The following CACNG3 variants were observed in gnomAD, a reference collection of about 807,000 sequenced individuals.
The protein encoded by CACNG3 is calcium voltage-gated channel auxiliary subunit gamma 3.
Under a neutral mutation model 28.5 loss-of-function variants are expected in CACNG3, and 3 were observed. The ratio of observed to expected loss-of-function variants is 0.11; its 90% confidence interval spans 0.05 to 0.27. The LOEUF is 0.27. Ranked by LOEUF, CACNG3 falls within the 10% of genes least tolerant of loss-of-function variation. The probability of loss-of-function intolerance (pLI) is 1.00; values close to 1 mark genes in which losing one functional copy is unlikely to be tolerated. For synonymous variants in CACNG3, 174 were observed against 162.2 expected (o/e 1.07, Z -0.55); for missense variants, 236 against 414.4 (o/e 0.57, Z 3.74).
chr16:24,258,162 A>G (rs1898492940), intron 1 of CACNG3, among the ~76,000 whole-genome samples: 2 of 152,302 alleles, frequency 1.3e-5, no homozygotes, highest in East Asian at 3.9e-4. Flanking sequence ...GGGCTTCTTG[A>G]GAACTTGCAT....
At chr16:24,323,291 G>A (rs978874798) in intron 1 of CACNG3, among the ~76,000 whole-genome samples, 1 of 150,892 alleles carries the variant, frequency 6.6e-6, no homozygotes, top group African/African-American at 2.4e-5. Flanking sequence ...CATCTTTCTG[G>A]GTCATCAGAT....
chr16:24,292,139 C>G (rs1898975770), intron 1 of CACNG3, among the ~76,000 whole-genome samples: 1 of 152,022 alleles, frequency 6.6e-6, no homozygotes, highest in Admixed American at 6.6e-5. Context: ...TCAGGATGAG[C>G]AAGGTGGCAG....
chr16:24,339,843 T>C (rs866316878), intron 1 of CACNG3, among the ~76,000 whole-genome samples: 1 of 152,250 alleles, frequency 6.6e-6, no homozygotes, highest in South Asian at 2.1e-4. Context: ...TGATGGGCAT[T>C]CTTATCTCAG....
chr16:24,300,642 A>C (rs553291499), intron 1 of CACNG3, among the ~76,000 whole-genome samples: 1 of 150,816 alleles, frequency 6.6e-6, no homozygotes, highest in South Asian at 2.1e-4. Context: ...AAAACCATAG[A>C]CTGAGCATGG....
intron 2 of CACNG3, among the ~76,000 whole-genome samples, chr16:24,352,500 T>C (rs1899963558): frequency 6.6e-6 from 1 of 150,922 alleles, no homozygotes; most frequent in African/African-American, 2.4e-5. Context: ...GAAGGGCTTT[T>C]GCCTGGGTTA....
At chr16:24,288,771 G>T (rs1490605433) in intron 1 of CACNG3, among the ~76,000 whole-genome samples, 1 of 152,124 alleles carries the variant, frequency 6.6e-6, no homozygotes. Flanking sequence ...TCGTTAGAAA[G>T]CAAGGCTCCC....
chr16:24,312,931 G>GA (rs1899286591), intron 1 of CACNG3, among the ~76,000 whole-genome samples: 1 of 86,480 alleles, frequency 1.2e-5, no homozygotes, highest in African/African-American at 4.1e-5. Flanking sequence ...AAGAAAGAAA[G>GA]AAAGAAAGAA....
chr16:24,353,577 G>A (rs911090707), intron 2 of CACNG3, among the ~76,000 whole-genome samples: 2 of 152,200 alleles, frequency 1.3e-5, no homozygotes, highest in East Asian at 1.9e-4. Flanking sequence ...ACTCTGCTTC[G>A]ACTCCTCAGC....
chr16:24,357,232 TAAAAA>T (rs36102827), intron 3 of CACNG3, among the ~76,000 whole-genome samples: 15 of 113,282 alleles, frequency 1.3e-4, no homozygotes, highest in Admixed American at 1.9e-4. Context: ...CACTCCATCT[TAAAAA>T]AAAAAAAAAA....
intron 1 of CACNG3, among the ~76,000 whole-genome samples, chr16:24,314,382 C>T (rs770931790): frequency 7.9e-5 from 12 of 152,086 alleles, no homozygotes; most frequent in Non-Finnish European, 1.6e-4. Flanking sequence ...AGTAAGAATC[C>T]CCTTGGCCCT....
At chr16:24,330,482 G>A (rs901945983) in intron 1 of CACNG3, among the ~76,000 whole-genome samples, 2 of 152,228 alleles carry the variant, frequency 1.3e-5, no homozygotes, top group Admixed American at 1.3e-4. Context: ...GACAGAGGCT[G>A]GAGCACCTCC....
intron 1 of CACNG3, among the ~76,000 whole-genome samples, chr16:24,282,126 T>TCAAA (rs1898836515): frequency 6.6e-6 from 1 of 152,158 alleles, no homozygotes; most frequent in Non-Finnish European, 1.5e-5. Flanking sequence ...TTATTTTTCC[T>TCAAA]CACAACAACT....
intron 1 of CACNG3, among the ~76,000 whole-genome samples, chr16:24,283,445 T>C (rs1898855682): frequency 2.0e-5 from 3 of 152,216 alleles, no homozygotes; most frequent in African/African-American, 7.2e-5. Flanking sequence ...CTAGGTAGTT[T>C]TTATGTTTTT....
At chr16:24,270,407 ACCAAAGATGAAT>A (rs1255624547) in intron 1 of CACNG3, among the ~76,000 whole-genome samples, 1 of 152,250 alleles carries the variant, frequency 6.6e-6, no homozygotes, top group Middle Eastern at 3.2e-3. Flanking sequence ...GTTACTTTTC[ACCAAAGATGAAT>A]CTGGCAGGCA....
intron 1 of CACNG3, among the ~76,000 whole-genome samples, chr16:24,266,708 C>T (rs772166062): frequency 1.3e-5 from 2 of 152,176 alleles, no homozygotes; most frequent in African/African-American, 2.4e-5. Context: ...AGATGAATGA[C>T]AATGTCTACT....
At chr16:24,360,098 C>T (rs911987529) in intron 3 of CACNG3, among the ~76,000 whole-genome samples, 7 of 152,064 alleles carry the variant, frequency 4.6e-5, no homozygotes, top group East Asian at 1.9e-4. Flanking sequence ...CAACTGTTGT[C>T]GGAAACTATA....
chr16:24,330,532 GAA>G (rs1491479385), intron 1 of CACNG3, among the ~76,000 whole-genome samples: 2 of 152,210 alleles, frequency 1.3e-5, no homozygotes, highest in African/African-American at 4.8e-5. Context: ...CTATGCATCA[GAA>G]TCTTGGAGAA....
At chr16:24,352,810 G>A (rs978729686) in intron 2 of CACNG3, among the ~76,000 whole-genome samples, 1 of 152,158 alleles carries the variant, frequency 6.6e-6, no homozygotes, top group Admixed American at 6.5e-5. Context: ...AAACTGCTGG[G>A]ATTACAGGCA....
chr16:24,293,030 C>T (rs117365481), intron 1 of CACNG3, among the ~76,000 whole-genome samples: 1,781 of 152,320 alleles, frequency 0.012, 9 homozygotes, highest in Non-Finnish European at 0.019. Flanking sequence ...CCATCACAGA[C>T]ACCTGACTCT....
Sources: allele counts gnomAD v4.1 joint callset (sites outside exome capture counted in the v4.1 genomes callset), GRCh38; gene constraint gnomAD v4.1.1; transcripts MANE v1.5; gene names NCBI Gene and HGNC (gene_info 2026-07-23, HGNC 2026-07-21).